EFNA5: variants seen among roughly 807,000 people sequenced by gnomAD.
EFNA5 encodes ephrin A5.
A neutral mutation model predicts 22.9 loss-of-function variants in EFNA5; 5 were observed. The ratio of observed to expected loss-of-function variants is 0.22; its 90% CI spans 0.11 to 0.46. The LOEUF is 0.46. Ranked by LOEUF, EFNA5 falls within the 20% of genes least tolerant of loss-of-function variation. The pLI is 0.99. For missense variants in EFNA5, 237 were observed against 293.3 expected, an observed-to-expected ratio of 0.81 and a Z score of 1.40; for synonymous variants, 113 against 112.2, an observed-to-expected ratio of 1.01 and a Z score of -0.04.
chr5:107,440,661 G>C (rs1239131221), intron 1 of EFNA5, among the ~76,000 whole-genome samples: 1 of 152,158 alleles, frequency 6.6e-6, no homozygotes, highest in Non-Finnish European at 1.5e-5. Context: ...AGATCCCAAA[G>C]TTTCACGACG....
intron 1 of EFNA5, among the ~76,000 whole-genome samples, chr5:107,519,563 G>A (rs563627540): frequency 1.3e-5 from 2 of 152,274 alleles, no homozygotes; most frequent in East Asian, 3.9e-4. Context: ...AAAGTTCTAA[G>A]GGAAAAACAT....
intron 1 of EFNA5, among the ~76,000 whole-genome samples, chr5:107,540,494 G>A (rs1748021815): frequency 1.3e-5 from 2 of 151,990 alleles, no homozygotes; most frequent in Non-Finnish European, 2.9e-5. Flanking sequence ...AAAACAGTAT[G>A]GCAAAAAATA....
At chr5:107,527,054 A>G (rs1351518732) in intron 1 of EFNA5, among the ~76,000 whole-genome samples, 1 of 152,138 alleles carries the variant, frequency 6.6e-6, no homozygotes, top group African/African-American at 2.4e-5. Flanking sequence ...ATCAGGAAAA[A>G]ATACCTTTGT....
At position 107,382,691 on chromosome 5, in the gene EFNA5, A is replaced by T. The variant is rs550511473; in HGVS notation, c.566-1315T>A. On this transcript the variant is annotated intron_variant, in intron 4 of 4. Coordinates refer to ENST00000333274, the MANE Select transcript of EFNA5 (RefSeq NM_001962.3). ...GGCCACTTGTGCTTTTAGACTAAGGATCTCTGAATAACACATTTTGGGGGC... is the reference window on the plus strand; with the variant it reads ...GGCCACTTGTGCTTTTAGACTAAGGTTCTCTGAATAACACATTTTGGGGGC... Among the ~76,000 whole-genome samples, 8 of 152,260 alleles carry T rather than the reference A, an allele frequency of 5.3e-5. No homozygotes were observed. The South Asian group carries it at 1.7e-3, about 32-fold the overall frequency.
chr5:107,427,185 C>T, intron 2 of EFNA5, 32 bp downstream of exon 2: 2 of 1,612,814 alleles, frequency 1.2e-6, no homozygotes, highest in South Asian at 2.2e-5. Context: ...CTTGCAGCTG[C>T]CCTACAACAC....
intron 1 of EFNA5, among the ~76,000 whole-genome samples, chr5:107,442,970 T>C (rs1749297201): frequency 7.2e-6 from 1 of 138,576 alleles, no homozygotes; most frequent in South Asian, 2.3e-4. Context: ...GAATTATAAA[T>C]ATGTCTTAAA....
chr5:107,481,353 TGGGCCAGGA>T (rs1327493200), intron 1 of EFNA5, among the ~76,000 whole-genome samples: 4 of 152,196 alleles, frequency 2.6e-5, no homozygotes, highest in African/African-American at 9.7e-5. Flanking sequence ...TCCATCGCAC[TGGGCCAGGA>T]TCCAGCAGGA....
intron 2 of EFNA5, among the ~76,000 whole-genome samples, chr5:107,424,198 A>ATTTTTTTTT (rs70996959): frequency 2.1e-5 from 2 of 95,706 alleles, no homozygotes; most frequent in African/African-American, 4.9e-5. Flanking sequence ...TCTTTCTTTC[A>ATTTTTTTTT]TTTTTTTTTT....
intron 2 of EFNA5, among the ~76,000 whole-genome samples, chr5:107,416,974 G>A (rs1561376890): frequency 1.3e-5 from 2 of 151,528 alleles, no homozygotes; most frequent in Non-Finnish European, 2.9e-5. Context: ...ACAATTTACT[G>A]GAGGAGAAAA....
intron 1 of EFNA5, among the ~76,000 whole-genome samples, chr5:107,465,880 C>A (rs913553272): frequency 2.0e-5 from 3 of 152,062 alleles, no homozygotes; most frequent in African/African-American, 7.2e-5. Context: ...GGAATGAACT[C>A]AGGTTCACGG....
chr5:107,475,836 G>A (rs910579987), intron 1 of EFNA5, among the ~76,000 whole-genome samples: 13 of 151,282 alleles, frequency 8.6e-5, no homozygotes, highest in African/African-American at 3.2e-4. Flanking sequence ...AAATACCCAG[G>A]CTGAACTGTT....
At chr5:107,490,045 G>C (rs1746759426) in intron 1 of EFNA5, among the ~76,000 whole-genome samples, 1 of 152,180 alleles carries the variant, frequency 6.6e-6, no homozygotes, top group Non-Finnish European at 1.5e-5. Context: ...GGCATGCAGG[G>C]ACAAGATTCC....
At chr5:107,477,765 T>A (rs1219978277) in intron 1 of EFNA5, among the ~76,000 whole-genome samples, 1 of 152,278 alleles carries the variant, frequency 6.6e-6, no homozygotes, top group African/African-American at 2.4e-5. Context: ...CACAATATAT[T>A]ATTTTTTTTA....
At chr5:107,580,449 G>GA (rs945412252) in intron 1 of EFNA5, among the ~76,000 whole-genome samples, 14 of 151,466 alleles carry the variant, frequency 9.2e-5, no homozygotes, top group African/African-American at 2.4e-4. Context: ...CCTTTCACAG[G>GA]AAAAAAAAGA....
At chr5:107,651,348 A>G (rs1561460480) in intron 1 of EFNA5, among the ~76,000 whole-genome samples, 1 of 152,168 alleles carries the variant, frequency 6.6e-6, no homozygotes. Flanking sequence ...AATAAATGGG[A>G]GCTATTCAAG....
intron 2 of EFNA5, among the ~76,000 whole-genome samples, chr5:107,422,846 G>A (rs1029879554): frequency 2.0e-5 from 3 of 152,194 alleles, no homozygotes; most frequent in Non-Finnish European, 2.9e-5. Flanking sequence ...GAAAACAGGA[G>A]CTTGCTGCAC....
rs1747443896 is a variant in EFNA5, at chr5:107,381,116, A to C, written c.*139T>G. ...AACCTGAAGTTGTTGCTTAGAATTC[A>C]GGCTGAAAGAAAGAAAACAAAAATC... On this transcript the variant is annotated 3_prime_UTR_variant, in exon 5 of 5. Coordinates refer to ENST00000333274, the MANE Select transcript of EFNA5 (RefSeq NM_001962.3). 7.9e-7 allele frequency: 1 copy of C among 1,270,636 alleles called. No homozygotes were observed. The highest frequency in any genetic ancestry group is 1.5e-5 in the African/African-American group (1 of 67,414). 78.7% of individuals were successfully genotyped at this position (1,270,636 alleles called of 1,614,324 possible).
In EFNA5 at chr5:107,379,014, CAT is replaced by C. The variant is rs1451738635; in HGVS notation, c.*2239_*2240del. The C allele has an allele frequency of 6.6e-6, 1 of 152,022 alleles. No homozygotes were observed. The highest frequency in any genetic ancestry group is 1.5e-5 in the Non-Finnish European group (1 of 68,008). The allele number at this position is 152,022 out of a possible 1,614,324, so 9.4% of individuals were successfully genotyped here. On this transcript the variant is annotated 3_prime_UTR_variant, in exon 5 of 5. Transcript: ENST00000333274. Reference sequence around the variant, plus strand: ...AATTAAAAAAAAAAAAGTATTTCTGCATATGACTGAGAGTACTGCATATATAA... The same window carrying C: ...AATTAAAAAAAAAAAAGTATTTCTGCATGACTGAGAGTACTGCATATATAA...
chr5:107,397,673 T>G (rs1281435363), intron 2 of EFNA5, among the ~76,000 whole-genome samples: 1 of 152,202 alleles, frequency 6.6e-6, no homozygotes, highest in Non-Finnish European at 1.5e-5. Context: ...ATATTACAAG[T>G]ATCTAGATAG....
Sources: allele counts gnomAD v4.1 joint callset (sites outside exome capture counted in the v4.1 genomes callset), GRCh38; gene constraint gnomAD v4.1.1; transcripts MANE v1.5; gene names NCBI Gene and HGNC (gene_info 2026-07-23, HGNC 2026-07-21).